The following CSMD1 variants were observed in gnomAD, a reference collection of about 807,000 sequenced individuals.
CSMD1 encodes CUB and Sushi multiple domains 1.
A neutral mutation model predicts 417.5 loss-of-function variants in CSMD1; 213 were observed. The observed-to-expected ratio is 0.51, with a 90% confidence interval of 0.46 to 0.57. CSMD1 has a LOEUF of 0.57. CSMD1 is among the 20% of genes least tolerant of loss of function. CSMD1 has a pLI of 0.00. For synonymous variants in CSMD1, 2,862 were observed against 1,736.8 expected, an observed-to-expected ratio of 1.65 and a Z score of -16.11; for missense variants, 6,923 against 4,529.7, an observed-to-expected ratio of 1.53 and a Z score of -15.17.
intron 5 of CSMD1, among the ~76,000 whole-genome samples, chr8:3,950,225 G>T (rs10780168): frequency 0.2 from 30,680 of 152,076 alleles, 3,448 homozygotes; most frequent in East Asian, 0.35. Flanking sequence ...TTCTCATCAT[G>T]CAGTGGAAGA....
chr8:4,704,759 G>T (rs1285102628), intron 1 of CSMD1, among the ~76,000 whole-genome samples: 1 of 152,180 alleles, frequency 6.6e-6, no homozygotes, highest in Admixed American at 6.5e-5. Flanking sequence ...TGTGTGAGTT[G>T]TCGAGGCAGG....
At chr8:3,767,381 C>G (rs1353669582) in intron 5 of CSMD1, among the ~76,000 whole-genome samples, 1 of 152,214 alleles carries the variant, frequency 6.6e-6, no homozygotes, top group Non-Finnish European at 1.5e-5. Context: ...TGGGTGACCT[C>G]AGGCCTTTAC....
chr8:3,846,695 T>A (rs1241125962), intron 5 of CSMD1, among the ~76,000 whole-genome samples: 1 of 152,204 alleles, frequency 6.6e-6, no homozygotes, highest in East Asian at 1.9e-4. Flanking sequence ...TTTCTCTCTG[T>A]CGCCCAGGCT....
chr8:2,999,085 A>G (rs1399707140), intron 53 of CSMD1, among the ~76,000 whole-genome samples: 2 of 152,012 alleles, frequency 1.3e-5, no homozygotes, highest in Non-Finnish European at 2.9e-5. Context: ...TACAATATTT[A>G]TCGCTGAAGT....
rs184193747 is a variant in CSMD1, at chr8:4,774,559, G to C, written c.86-137001C>G. 3.6e-3 allele frequency among the ~76,000 whole-genome samples: 550 copies of C among 152,264 alleles called. 16 individuals are homozygous for C. The highest frequency in any genetic ancestry group is 0.031 in the Admixed American group (481 of 15,284). On this transcript the variant is annotated intron_variant, in intron 1 of 69. Coordinates refer to ENST00000635120, the MANE Select transcript of CSMD1 (RefSeq NM_033225.6). Reference sequence around the variant, plus strand: ...GTCCAGGCAGACATATAGACATTCTGATAATACAGAATTAATACCAAAAGT... The same window carrying C: ...GTCCAGGCAGACATATAGACATTCTCATAATACAGAATTAATACCAAAAGT...
intron 16 of CSMD1, among the ~76,000 whole-genome samples, chr8:3,398,916 C>T (rs1432357091): frequency 6.6e-6 from 1 of 152,092 alleles, no homozygotes; most frequent in Non-Finnish European, 1.5e-5. Context: ...CACTCATAGG[C>T]GATTAGTTGG....
intron 10 of CSMD1, among the ~76,000 whole-genome samples, chr8:3,533,532 C>T (rs1445258538): frequency 3.3e-5 from 5 of 152,248 alleles, no homozygotes; most frequent in African/African-American, 1.2e-4. Context: ...GATTCAAAGA[C>T]ATCTCTCACT....
intron 2 of CSMD1, among the ~76,000 whole-genome samples, chr8:4,591,006 C>A (rs1799956387): frequency 6.6e-6 from 1 of 152,194 alleles, no homozygotes; most frequent in African/African-American, 2.4e-5. Context: ...TGTGGCCTGC[C>A]TTCTTCCCTG....
intron 1 of CSMD1, among the ~76,000 whole-genome samples, chr8:4,839,944 G>C (rs1035335795): frequency 2.0e-5 from 3 of 152,268 alleles, no homozygotes; most frequent in Admixed American, 2.0e-4. Context: ...CACAGACCCG[G>C]AGACCAAAAG....
chr8:4,966,424 G>A (rs138977959), intron 1 of CSMD1, among the ~76,000 whole-genome samples: 1 of 152,110 alleles, frequency 6.6e-6, no homozygotes, highest in Non-Finnish European at 1.5e-5. Flanking sequence ...CTATCTCCCG[G>A]TATTTGGAAC....
chr8:3,839,928 C>T (rs941934717), intron 5 of CSMD1, among the ~76,000 whole-genome samples: 3 of 151,964 alleles, frequency 2.0e-5, no homozygotes, highest in Non-Finnish European at 1.5e-5. Flanking sequence ...CACAGAGATG[C>T]AGTGATCTTC....
chr8:4,037,648 G>T (rs1361927095), intron 3 of CSMD1, among the ~76,000 whole-genome samples: 1 of 152,080 alleles, frequency 6.6e-6, no homozygotes, highest in African/African-American at 2.4e-5. Context: ...CTTATCTACT[G>T]AAAATGTTTT....
chr8:3,425,149 C>A lies in CSMD1; in HGVS notation c.1562-15544G>T, dbSNP rs568802819. On this transcript the variant is annotated intron_variant, in intron 12 of 69. Transcript: ENST00000635120. ...TTTATCATTAGTCATTGTTGTGAAT[C>A]TCTTACTGTGTCTAGCCTGTCAATT... Among the ~76,000 whole-genome samples, 39 of 152,304 alleles carry A rather than the reference C, an allele frequency of 2.6e-4. 1 individual carries two copies. In the South Asian group the frequency reaches 8.1e-3, roughly 32 times the overall value.
chr8:3,012,663 A>G (rs1808489887), intron 52 of CSMD1, among the ~76,000 whole-genome samples: 2 of 152,230 alleles, frequency 1.3e-5, no homozygotes, highest in South Asian at 2.1e-4. Flanking sequence ...CTAAAGAACC[A>G]AAGTGGACCC....
chr8:4,765,032 C>A (rs1812367901), intron 1 of CSMD1, among the ~76,000 whole-genome samples: 1 of 152,046 alleles, frequency 6.6e-6, no homozygotes, highest in Admixed American at 6.6e-5. Context: ...TAAGCAACTG[C>A]ATGTTTTCGC....
intron 23 of CSMD1, among the ~76,000 whole-genome samples, chr8:3,333,589 C>A (rs1023338625): frequency 1.3e-5 from 2 of 152,204 alleles, no homozygotes; most frequent in Non-Finnish European, 2.9e-5. Flanking sequence ...ATTAGAGCAG[C>A]ATAATATGTT....
intron 12 of CSMD1, among the ~76,000 whole-genome samples, chr8:3,444,584 G>T (rs1180447108): frequency 6.6e-6 from 1 of 152,052 alleles, no homozygotes; most frequent in African/African-American, 2.4e-5. Flanking sequence ...GTATCTGGTG[G>T]GTCAAGGCCA....
intron 54 of CSMD1, among the ~76,000 whole-genome samples, chr8:2,987,452 A>G (rs1806020246): frequency 6.7e-6 from 1 of 148,906 alleles, no homozygotes; most frequent in African/African-American, 2.4e-5. Flanking sequence ...TATATAAAGA[A>G]GTATATTTCT....
At chr8:3,854,764 G>T (rs372021919) in intron 5 of CSMD1, among the ~76,000 whole-genome samples, 1 of 147,002 alleles carries the variant, frequency 6.8e-6, no homozygotes, top group Non-Finnish European at 1.5e-5. Context: ...AAAAAAAAAA[G>T]ATCGATTAAG....
Sources: gnomAD v4.1 joint callset for allele counts (sites outside exome capture counted in the v4.1 genomes callset) on GRCh38, gnomAD v4.1.1 for gene constraint, MANE v1.5 for transcripts, NCBI Gene and HGNC (gene_info 2026-07-23, HGNC 2026-07-21) for gene names.